Variants in CCSER1 observed in about 807,000 individuals in gnomAD.
CCSER1 encodes serine-rich coiled-coil domain-containing protein 1.
CCSER1 carries 41 observed loss-of-function variants against 82.0 expected under a neutral mutation model. That is an observed-to-expected ratio of 0.50 (90% CI 0.39 to 0.65). The LOEUF (loss-of-function observed/expected upper bound fraction) is 0.65, where lower values mean the gene tolerates loss of function less well. Ranked by LOEUF, CCSER1 falls within the 30% of genes least tolerant of loss-of-function variation. The pLI is 0.00. For missense variants in CCSER1, 1,119 were observed against 1,064.2 expected (o/e 1.05, Z -0.72); for synonymous variants, 414 against 383.9 (o/e 1.08, Z -0.92).
chr4:91,553,857 ACC>A (rs1393279792), intron 10 of CCSER1, among the ~76,000 whole-genome samples: 6 of 128,248 alleles, frequency 4.7e-5, no homozygotes, highest in Admixed American at 4.6e-4. Flanking sequence ...TTTAAAAAAA[ACC>A]AATATATTTG....
At chr4:90,340,345 G>A (rs1196906778) in intron 3 of CCSER1, among the ~76,000 whole-genome samples, 13 of 152,134 alleles carry the variant, frequency 8.5e-5, no homozygotes, top group Non-Finnish European at 8.8e-5. Context: ...AAAGCAAGCG[G>A]AGTTTGACTT....
intron 1 of CCSER1, among the ~76,000 whole-genome samples, chr4:90,262,457 G>A (rs1724505372): frequency 6.6e-6 from 1 of 151,992 alleles, no homozygotes; most frequent in South Asian, 2.1e-4. Context: ...GGAAAAGCAA[G>A]GATCTCTTGA....
chr4:91,063,047 C>A (rs1259895033), intron 9 of CCSER1, among the ~76,000 whole-genome samples: 1 of 152,006 alleles, frequency 6.6e-6, no homozygotes, highest in African/African-American at 2.4e-5. Context: ...ATGAAAAATA[C>A]ACTATTTTAA....
At chr4:91,478,392 T>C (rs1049533101) in intron 10 of CCSER1, among the ~76,000 whole-genome samples, 11 of 151,920 alleles carry the variant, frequency 7.2e-5, no homozygotes, top group African/African-American at 2.4e-4. Flanking sequence ...CAATATGTCA[T>C]TTAGTTAAAT....
intron 8 of CCSER1, among the ~76,000 whole-genome samples, chr4:90,827,165 C>G (rs1184310083): frequency 3.3e-5 from 5 of 152,222 alleles, no homozygotes. Context: ...CGTGCAGTTT[C>G]TGGGAATAGG....
At chr4:91,405,492 CA>C (rs1414418326) in intron 10 of CCSER1, among the ~76,000 whole-genome samples, 1 of 152,172 alleles carries the variant, frequency 6.6e-6, no homozygotes, top group Non-Finnish European at 1.5e-5. Context: ...TTCTGCACAG[CA>C]AAAGAAACTA....
In CCSER1 at chr4:91,605,055, CTA is replaced by C. The variant is rs989984017; in HGVS notation, c.*5999_*6000del. 5 of 151,394 alleles carry C rather than the reference CTA, an allele frequency of 3.3e-5. No individual in the cohort carries two copies. Among genetic ancestry groups the C allele is most frequent in the African/African-American group, 1.2e-4 (5 of 41,284 alleles). The allele number at this position is 151,394 out of a possible 1,614,324, so 9.4% of individuals were successfully genotyped here. On this transcript the variant is annotated 3_prime_UTR_variant, in exon 11 of 11. Transcript: ENST00000509176. ...TTTTTAATTCATCATCTCTAAAACT[CTA>C]AAACTTTAGTGAGAAAGATAATAAA...
chr4:91,456,154 C>T (rs1456292010), intron 10 of CCSER1, among the ~76,000 whole-genome samples: 1 of 151,978 alleles, frequency 6.6e-6, no homozygotes, highest in Non-Finnish European at 1.5e-5. Flanking sequence ...GAGGGTTCTC[C>T]TGTGGGTTGC....
chr4:90,845,875 T>C (rs774577535), intron 8 of CCSER1, among the ~76,000 whole-genome samples: 1 of 152,100 alleles, frequency 6.6e-6, no homozygotes. Context: ...GGCAATGGAC[T>C]TGTAACTTAT....
intron 6 of CCSER1, among the ~76,000 whole-genome samples, chr4:90,695,036 G>A (rs934256078): frequency 7.1e-6 from 1 of 140,494 alleles, no homozygotes; most frequent in Admixed American, 7.3e-5. Context: ...GCCATAATTA[G>A]AATATATGTA....
intron 7 of CCSER1, among the ~76,000 whole-genome samples, chr4:90,794,220 A>G (rs1213876618): frequency 1.3e-5 from 2 of 152,254 alleles, no homozygotes; most frequent in Middle Eastern, 3.4e-3. Flanking sequence ...TGGTGTTTTC[A>G]TAATGAAATA....
intron 9 of CCSER1, among the ~76,000 whole-genome samples, chr4:91,041,954 C>A (rs1418143796): frequency 6.6e-6 from 1 of 152,288 alleles, no homozygotes; most frequent in East Asian, 1.9e-4. Flanking sequence ...TTATCAGAAA[C>A]TAAGCTTTTG....
At chr4:90,332,998 T>C (rs1284306465) in intron 3 of CCSER1, among the ~76,000 whole-genome samples, 2 of 152,210 alleles carry the variant, frequency 1.3e-5, no homozygotes, top group Non-Finnish European at 2.9e-5. Flanking sequence ...TTTTTTCTCT[T>C]ACATGGCACT....
intron 5 of CCSER1, among the ~76,000 whole-genome samples, chr4:90,602,058 T>A (rs1784097173): frequency 6.6e-6 from 1 of 152,146 alleles, no homozygotes; most frequent in Admixed American, 6.6e-5. Context: ...TTCTGGTAGG[T>A]GTTGTTCTAG....
intron 10 of CCSER1, among the ~76,000 whole-genome samples, chr4:91,382,316 A>G (rs1358277688): frequency 6.6e-6 from 1 of 152,194 alleles, no homozygotes; most frequent in Non-Finnish European, 1.5e-5. Flanking sequence ...TAGAGTCTAC[A>G]GAGGCAGGCA....
In CCSER1 at chr4:90,363,397, G is replaced by A. The variant is rs576471403; in HGVS notation, c.1510-36639G>A. Among the ~76,000 whole-genome samples the A allele has an allele frequency of 1.0e-3, 159 of 151,978 alleles. 1 individual carries two copies. The highest frequency in any genetic ancestry group is 3.4e-3 in the Middle Eastern group (1 of 294). ...CTGAAGAGAAAATCATAGACTTTTT[G>A]ACATATAATAGTTGCCACATAAATT... is the stretch of plus-strand genomic sequence containing the variant. On this transcript the variant is annotated intron_variant, in intron 3 of 10. Transcript: ENST00000509176.
Position 90,534,371 on chromosome 4 carries a change from C to T in CCSER1, c.1724+66017C>T, listed in dbSNP as rs191891290. 4.4e-4 allele frequency among the ~76,000 whole-genome samples: 67 copies of T among 152,064 alleles called. 2 individuals are homozygous for T. The highest frequency in any genetic ancestry group is 3.5e-3 in the East Asian group (18 of 5,170). ...GTCTTGATCTTCTGACCTCGTGATC[C>T]GCCCGCCTCGGCCTCCCGAAGTGCT... On this transcript the variant is annotated intron_variant, in intron 5 of 10. Transcript: ENST00000509176.
intron 5 of CCSER1, among the ~76,000 whole-genome samples, chr4:90,479,336 C>A (rs2153596678): frequency 6.6e-6 from 1 of 152,078 alleles, no homozygotes; most frequent in African/African-American, 2.4e-5. Flanking sequence ...TGCTTCTGTT[C>A]TACTTAGTGT....
chr4:91,492,233 T>A (rs1352660467), intron 10 of CCSER1, among the ~76,000 whole-genome samples: 1 of 152,064 alleles, frequency 6.6e-6, no homozygotes, highest in Non-Finnish European at 1.5e-5. Context: ...CCCCACTGTC[T>A]GTAGGAATAT....
Sources: gnomAD v4.1 joint callset for allele counts (sites outside exome capture counted in the v4.1 genomes callset) on GRCh38, gnomAD v4.1.1 for gene constraint, MANE v1.5 for transcripts, NCBI Gene and HGNC (gene_info 2026-07-23, HGNC 2026-07-21) for gene names.